Variants in MACROD2 observed in about 807,000 individuals in gnomAD.
The protein encoded by MACROD2 is ADP-ribose glycohydrolase MACROD2.
Under a neutral mutation model 70.4 loss-of-function variants are expected in MACROD2, and 36 were observed. That is an observed-to-expected ratio of 0.51 (90% CI 0.39 to 0.68). The LOEUF (loss-of-function observed/expected upper bound fraction) is 0.68. Ranked by LOEUF, MACROD2 falls within the 30% of genes least tolerant of loss-of-function variation. The probability of loss-of-function intolerance (pLI) is 0.00; values close to 1 mark genes in which losing one functional copy is unlikely to be tolerated. For missense variants in MACROD2, 496 were observed against 538.4 expected (o/e 0.92, Z 0.78); for synonymous variants, 172 against 178.8 (o/e 0.96, Z 0.30).
chr20:15,190,085 G>T (rs1240508440), intron 5 of MACROD2, among the ~76,000 whole-genome samples: 1 of 152,102 alleles, frequency 6.6e-6, no homozygotes, highest in Non-Finnish European at 1.5e-5. Context: ...ATCCTCTTGT[G>T]ATGTATATTT....
At chr20:15,426,751 C>T (rs971600473) in intron 6 of MACROD2, among the ~76,000 whole-genome samples, 1 of 152,092 alleles carries the variant, frequency 6.6e-6, no homozygotes, top group Non-Finnish European at 1.5e-5. Flanking sequence ...TAATGTCATT[C>T]TCCAAATTCT....
chr20:14,846,993 TAAAG>T (rs1390540367), intron 5 of MACROD2, among the ~76,000 whole-genome samples: 8 of 152,124 alleles, frequency 5.3e-5, no homozygotes, highest in Non-Finnish European at 8.8e-5. Context: ...TTATAGAAAA[TAAAG>T]AAACTTATGT....
intron 8 of MACROD2, among the ~76,000 whole-genome samples, chr20:15,734,225 G>C (rs1408508454): frequency 2.0e-5 from 3 of 152,174 alleles, no homozygotes; most frequent in Non-Finnish European, 4.4e-5. Flanking sequence ...AGTGAAGAGG[G>C]TGCATTTGAA....
At chr20:14,575,985 C>T (rs898728417) in intron 4 of MACROD2, among the ~76,000 whole-genome samples, 1 of 152,098 alleles carries the variant, frequency 6.6e-6, no homozygotes, top group Non-Finnish European at 1.5e-5. Flanking sequence ...ATCATGGGCA[C>T]CTAAATATAT....
At chr20:14,156,453 T>C (rs1276045128) in intron 3 of MACROD2, among the ~76,000 whole-genome samples, 1 of 152,198 alleles carries the variant, frequency 6.6e-6, no homozygotes, top group East Asian at 1.9e-4. Context: ...CTTAATAACA[T>C]GAAGAAAAAT....
chr20:14,992,769 C>T (rs937043741), intron 5 of MACROD2, among the ~76,000 whole-genome samples: 19 of 152,170 alleles, frequency 1.2e-4, no homozygotes, highest in African/African-American at 3.6e-4. Flanking sequence ...AAATGTATAT[C>T]GTATATTGTG....
At chr20:14,181,933 A>G (rs997496995) in intron 3 of MACROD2, among the ~76,000 whole-genome samples, 1 of 152,248 alleles carries the variant, frequency 6.6e-6, no homozygotes, top group African/African-American at 2.4e-5. Context: ...GCTATTGTGA[A>G]TAATTCTTCT....
In MACROD2 at chr20:13,995,686, C is replaced by T. The variant is rs552355581; in HGVS notation, c.-78C>T. 1.7e-5 allele frequency: 19 copies of T among 1,110,126 alleles called. No individual in the cohort carries two copies. In the East Asian group the frequency reaches 3.2e-4, roughly 18 times the overall value. 68.8% of individuals were successfully genotyped at this position (1,110,126 alleles called of 1,614,324 possible). On this transcript the variant is annotated 5_prime_UTR_variant, in exon 1 of 18. Coordinates refer to ENST00000684519, the MANE Select transcript of MACROD2 (RefSeq NM_001351661.2). This position sits in a 1 kb window ranked among gnomAD's most constrained non-coding sequence, Gnocchi z 4.3. ...TCCCTGCTGAGTGCCCCCTCCCACCCCTCCCACTCCACACACACCCTGTTT... is the reference window on the plus strand; with the variant it reads ...TCCCTGCTGAGTGCCCCCTCCCACCTCTCCCACTCCACACACACCCTGTTT...
chr20:15,064,594 G>A (rs1434633010), intron 5 of MACROD2, among the ~76,000 whole-genome samples: 1 of 152,118 alleles, frequency 6.6e-6, no homozygotes, highest in Non-Finnish European at 1.5e-5. Flanking sequence ...ACTGGTATCA[G>A]CCATTTCCTA....
chr20:15,128,183 G>A (rs2076080017), intron 5 of MACROD2, among the ~76,000 whole-genome samples: 1 of 152,088 alleles, frequency 6.6e-6, no homozygotes, highest in South Asian at 2.1e-4. Context: ...AAGAATACCT[G>A]TATGTTTTTA....
rs146645278 is a variant in MACROD2, at chr20:15,821,693, A to G, written c.646-41052A>G. ...CTTTCTTGTCATTATTCTCTGAACA[A>G]TACAGTATAACAACTATTTACATTG... On this transcript the variant is annotated intron_variant, in intron 8 of 17. Transcript: ENST00000684519. Among the ~76,000 whole-genome samples the G allele has an allele frequency of 1.6e-4, 25 of 152,310 alleles. No homozygotes were observed. The East Asian group carries it at 4.8e-3, about 29-fold the overall frequency.
intron 3 of MACROD2, among the ~76,000 whole-genome samples, chr20:14,428,966 T>C (rs1439753864): frequency 6.6e-6 from 1 of 152,184 alleles, no homozygotes; most frequent in Non-Finnish European, 1.5e-5. Context: ...GGAAGTCTAA[T>C]ATTGTCCTGT....
At chr20:14,024,424 A>G (rs142562514) in intron 2 of MACROD2, among the ~76,000 whole-genome samples, 73 of 152,274 alleles carry the variant, frequency 4.8e-4, no homozygotes, top group Admixed American at 1.4e-3. Context: ...TTTCAATACT[A>G]TGTTGAATAG....
At chr20:14,782,538 A>C (rs1182659042) in intron 5 of MACROD2, among the ~76,000 whole-genome samples, 1 of 152,140 alleles carries the variant, frequency 6.6e-6, no homozygotes, top group Non-Finnish European at 1.5e-5. Flanking sequence ...CACCCAAATC[A>C]GCCAAAATAT....
chr20:15,404,405 T>A (rs2045969731), intron 6 of MACROD2, among the ~76,000 whole-genome samples: 1 of 152,230 alleles, frequency 6.6e-6, no homozygotes, highest in South Asian at 2.1e-4. Context: ...TTGTAATTAG[T>A]AAACCAACCA....
intron 2 of MACROD2, among the ~76,000 whole-genome samples, chr20:14,039,053 C>G (rs1211521954): frequency 6.6e-6 from 1 of 151,888 alleles, no homozygotes; most frequent in Non-Finnish European, 1.5e-5. Flanking sequence ...GTGTTTTTAC[C>G]AGGGTGTTTG....
chr20:15,517,815 C>G (rs2047590801), intron 8 of MACROD2, among the ~76,000 whole-genome samples: 1 of 152,164 alleles, frequency 6.6e-6, no homozygotes, highest in South Asian at 2.1e-4. Context: ...TCATAGGACT[C>G]TTTTTGATAA....
chr20:15,233,128 A>G (rs1215133498), intron 6 of MACROD2, among the ~76,000 whole-genome samples: 1 of 152,052 alleles, frequency 6.6e-6, no homozygotes, highest in African/African-American at 2.4e-5. Context: ...ACTTTTAAAT[A>G]TCTTCCCAGA....
At chr20:14,709,097 G>C (rs2071305922) in intron 5 of MACROD2, among the ~76,000 whole-genome samples, 1 of 152,090 alleles carries the variant, frequency 6.6e-6, no homozygotes. Context: ...CATGGATTTT[G>C]GTTAGAAAAA....
Sources: gnomAD v4.1 joint callset for allele counts (sites outside exome capture counted in the v4.1 genomes callset) on GRCh38, gnomAD v4.1.1 for gene constraint, Gnocchi (gnomAD v3.1) non-coding constraint, MANE v1.5 for transcripts, NCBI Gene and HGNC (gene_info 2026-07-23, HGNC 2026-07-21) for gene names.